Variants in NHSL1 observed in about 807,000 individuals in gnomAD.
The protein encoded by NHSL1 is NHS like 1, also known as NHS-like protein 1.
NHSL1 carries 48 observed loss-of-function variants against 95.0 expected under a neutral mutation model. That is an observed-to-expected ratio of 0.51 (90% CI 0.40 to 0.64). NHSL1 has a LOEUF of 0.64. Ranked by LOEUF, NHSL1 falls within the 30% of genes least tolerant of loss-of-function variation. The pLI is 0.00. For synonymous variants in NHSL1, 783 were observed against 833.9 expected (o/e 0.94, Z 1.05); for missense variants, 1,971 against 2,077.7 (o/e 0.95, Z 1.00).
intron 3 of NHSL1, among the ~76,000 whole-genome samples, chr6:138,447,776 A>C (rs78250875): frequency 4.7e-4 from 72 of 152,342 alleles, no homozygotes; most frequent in African/African-American, 1.6e-3. Flanking sequence ...GTCTAAAAAA[A>C]AAATTTTAAA....
At chr6:138,623,488 A>G (rs1784693615) in intron 1 of NHSL1, among the ~76,000 whole-genome samples, 1 of 152,248 alleles carries the variant, frequency 6.6e-6, no homozygotes, top group Non-Finnish European at 1.5e-5. Context: ...AATCAAACCA[A>G]TTAACATATT....
At position 138,437,319 on chromosome 6, in the gene NHSL1, T is replaced by TAC. The variant is rs1204870537; in HGVS notation, c.665-3641_665-3640dup. Among the ~76,000 whole-genome samples the TAC allele has an allele frequency of 1.8e-4, 18 of 101,996 alleles. 1 individual carries two copies. Among genetic ancestry groups the TAC allele is most frequent in the Admixed American group, 9.3e-4 (9 of 9,710 alleles). The allele number at this position is 101,996 out of a possible 152,430, so 66.9% of individuals were successfully genotyped here. On this transcript the variant is annotated intron_variant, in intron 5 of 7. Transcript: ENST00000343505. ...ATGTATATATATATATATATATATA[T>TAC]ACACACACACATATATATATATACA... is the stretch of plus-strand genomic sequence containing the variant.
intron 1 of NHSL1, among the ~76,000 whole-genome samples, chr6:138,632,007 C>T (rs1784825855): frequency 6.6e-6 from 1 of 152,134 alleles, no homozygotes; most frequent in African/African-American, 2.4e-5. Flanking sequence ...AATGGCAAGT[C>T]CTAGGCCAGG....
At chr6:138,576,535 C>T (rs1783975562), upstream of NHSL1, among the ~76,000 whole-genome samples, 1 of 152,196 alleles carries the variant, frequency 6.6e-6, no homozygotes, top group Admixed American at 6.5e-5. Flanking sequence ...ATCACATGTG[C>T]CAATAACTGC....
At position 138,429,818 on chromosome 6, in the gene NHSL1, G is replaced by C; in HGVS notation, c.3978C>G (p.Ala1326=). The C allele has an allele frequency of 6.4e-7, 1 of 1,551,424 alleles. No individual in the cohort carries two copies. The highest frequency in any genetic ancestry group is 1.2e-5 in the South Asian group (1 of 84,016). Residue 1326 remains alanine, a synonymous_variant, in exon 7 of 8, where the codon GCC becomes GCG. Coordinates refer to ENST00000343505, the MANE Select transcript of NHSL1 (RefSeq NM_001144060.2). ...GAAGVPETNA[A]GSSSEACDFL... is the part of the protein sequence containing the mutation. Reference sequence around the variant, plus strand: ...AGTCACAGGCCTCTGAGGATGAACCGGCTGCGTTGGTCTCCGGCACCCCAG... The same window carrying C: ...AGTCACAGGCCTCTGAGGATGAACCCGCTGCGTTGGTCTCCGGCACCCCAG...
At position 138,618,395 on chromosome 6, in the gene NHSL1, A is replaced by G. The variant is rs187229324; in HGVS notation, c.96+74081T>C. Among the ~76,000 whole-genome samples, 24 of 152,368 alleles carry G rather than the reference A, an allele frequency of 1.6e-4. No homozygotes were observed. In the East Asian group the frequency reaches 4.4e-3, roughly 28 times the overall value. ...TGTTTTGAATTCCCGAGAAGATTTCAGGCAATCTGTGGACACTCATCAGTA... is the reference window on the plus strand; with the variant it reads ...TGTTTTGAATTCCCGAGAAGATTTCGGGCAATCTGTGGACACTCATCAGTA... On this transcript the variant is annotated intron_variant, in intron 1 of 3. Coordinates refer to the NHSL1 transcript ENST00000491526.
chr6:138,581,678 T>G (rs1784058317), intron 1 of NHSL1, among the ~76,000 whole-genome samples: 1 of 116,134 alleles, frequency 8.6e-6, no homozygotes. Flanking sequence ...GGTGACAGAG[T>G]GAGACTCCGT....
chr6:138,680,032 T>A (rs1266881891), intron 1 of NHSL1, among the ~76,000 whole-genome samples: 1 of 152,200 alleles, frequency 6.6e-6, no homozygotes, highest in Admixed American at 6.5e-5. Context: ...AGTTTGGAAT[T>A]TAGGATGAAT....
chr6:138,556,835 C>G (rs149642407), intron 1 of NHSL1, among the ~76,000 whole-genome samples: 209 of 152,018 alleles, frequency 1.4e-3, no homozygotes, highest in Non-Finnish European at 2.5e-3. Context: ...TATTTCTTGA[C>G]TTTTTAAATA....
intron 3 of NHSL1, among the ~76,000 whole-genome samples, chr6:138,467,317 T>TG: frequency 6.6e-6 from 1 of 152,016 alleles, no homozygotes; most frequent in East Asian, 1.9e-4. Context: ...CTCGCCTGGC[T>TG]AATTTTTTGT....
chr6:138,542,607 C>T (rs968739605), intron 1 of NHSL1, among the ~76,000 whole-genome samples: 13 of 152,108 alleles, frequency 8.5e-5, no homozygotes, highest in Admixed American at 6.5e-4. Context: ...AAGTCTTCAC[C>T]GAAGTTAGAG....
intron 1 of NHSL1, among the ~76,000 whole-genome samples, chr6:138,570,489 C>T (rs1344314033): frequency 6.6e-6 from 1 of 152,238 alleles, no homozygotes; most frequent in African/African-American, 2.4e-5. Flanking sequence ...TGAAAACCCA[C>T]ATTTTTAAGC....
In NHSL1 at chr6:138,430,668, G is replaced by C. The variant is rs746262438; in HGVS notation, c.3677C>G (p.Ala1226Gly). 9.0e-6 allele frequency: 14 copies of C among 1,551,556 alleles called. No individual in the cohort carries two copies. The highest frequency in any genetic ancestry group is 7.0e-6 in the Non-Finnish European group (8 of 1,147,024). The change falls in exon 6 of 8, where the codon GCT becomes GGT. Residue 1226 changes from alanine (A) to glycine (G), a missense_variant. Coordinates refer to ENST00000343505, the MANE Select transcript of NHSL1 (RefSeq NM_001144060.2). This position sits in a 1 kb window ranked among gnomAD's most constrained non-coding sequence, Gnocchi z 4.7. ...PAENVSEALR[A>G]VPSPTTGEEG... ...CTCTCCCGTCGTGGGGCTGGGCACA[G>C]CTCGGAGGGCTTCGCTCACGTTCTC...
Position 138,431,183 on chromosome 6 carries a change from A to T in NHSL1, c.3162T>A (p.Pro1054=). 1.3e-6 allele frequency: 2 copies of T among 1,547,730 alleles called. No homozygotes were observed. Among genetic ancestry groups the T allele is most frequent in the Non-Finnish European group, 1.7e-6 (2 of 1,144,274 alleles). Residue 1054 remains proline (P), a synonymous_variant, in exon 6 of 8, where the codon CCT becomes CCA. Transcript: ENST00000343505. This position sits in a 1 kb window ranked among gnomAD's most constrained non-coding sequence, Gnocchi z 4.0. The part of the protein sequence containing the change: ...PESSRGSLRP[P]STKEETSRPP... ...GCCTGCTGGTCTCCTCCTTGGTAGAAGGCGGCCTCAAGGATCCCCGGGAGG... is the reference window on the plus strand; with the variant it reads ...GCCTGCTGGTCTCCTCCTTGGTAGATGGCGGCCTCAAGGATCCCCGGGAGG...
intron 1 of NHSL1, among the ~76,000 whole-genome samples, chr6:138,588,433 G>C (rs1263789560): frequency 6.6e-6 from 1 of 152,238 alleles, no homozygotes; most frequent in Non-Finnish European, 1.5e-5. Context: ...TTGCTCTCCA[G>C]TCTGGGTGAC....
At chr6:138,631,437 G>A (rs1187063203) in intron 1 of NHSL1, among the ~76,000 whole-genome samples, 1 of 152,138 alleles carries the variant, frequency 6.6e-6, no homozygotes, top group Non-Finnish European at 1.5e-5. Flanking sequence ...ACAGCTCATG[G>A]ATCCAAAAGA....
chr6:138,449,485 G>A (rs1434964438), intron 3 of NHSL1, among the ~76,000 whole-genome samples: 5 of 152,076 alleles, frequency 3.3e-5, no homozygotes. Flanking sequence ...GACCATCCTG[G>A]CCAAAATGGT....
intron 1 of NHSL1, among the ~76,000 whole-genome samples, chr6:138,691,051 C>T (rs1001489754): frequency 3.3e-5 from 5 of 152,184 alleles, no homozygotes; most frequent in African/African-American, 1.2e-4. Flanking sequence ...GGTTCTCCCA[C>T]GTACCTACAC....
At chr6:138,539,255 A>G (rs1240719641) in intron 1 of NHSL1, among the ~76,000 whole-genome samples, 1 of 152,208 alleles carries the variant, frequency 6.6e-6, no homozygotes, top group Non-Finnish European at 1.5e-5. Flanking sequence ...CGCATCCCCA[A>G]TACCATATCC....
Sources: gnomAD v4.1 joint callset for allele counts (sites outside exome capture counted in the v4.1 genomes callset) on GRCh38, gnomAD v4.1.1 for gene constraint, Gnocchi (gnomAD v3.1) non-coding constraint, MANE v1.5 for transcripts, NCBI Gene and HGNC (gene_info 2026-07-23, HGNC 2026-07-21) for gene names.